Variants in UBAP2 observed in about 807,000 individuals in gnomAD.
The protein encoded by UBAP2 is ubiquitin associated protein 2.
UBAP2 carries 75 observed loss-of-function variants against 139.6 expected under a neutral mutation model. The observed-to-expected ratio is 0.54, with a 90% CI of 0.45 to 0.65. The LOEUF is 0.65. Ranked by LOEUF, UBAP2 falls within the 30% of genes least tolerant of loss-of-function variation. The probability of loss-of-function intolerance (pLI) is 0.00; values close to 1 mark genes in which losing one functional copy is unlikely to be tolerated. For missense variants in UBAP2, 1,368 were observed against 1,369.6 expected, an observed-to-expected ratio of 1.00 and a Z score of 0.02; for synonymous variants, 526 against 526.2, an observed-to-expected ratio of 1.00 and a Z score of 0.01.
intron 11 of UBAP2, among the ~76,000 whole-genome samples, chr9:33,955,206 A>G (rs1826447983): frequency 6.6e-6 from 1 of 151,896 alleles, no homozygotes; most frequent in African/African-American, 2.4e-5. Context: ...ACAGGTCTAC[A>G]AAAGTGAAAA....
intron 8 of UBAP2, among the ~76,000 whole-genome samples, chr9:33,969,818 A>G (rs2131046944): frequency 6.6e-6 from 1 of 150,518 alleles, no homozygotes; most frequent in African/African-American, 2.4e-5. Flanking sequence ...GTGAGCCAAG[A>G]TCGTGCCATT....
At chr9:33,981,851 G>GGGAGGGAA (rs1169586229) in intron 6 of UBAP2, among the ~76,000 whole-genome samples, 2 of 143,016 alleles carry the variant, frequency 1.4e-5, no homozygotes, top group African/African-American at 5.4e-5. Context: ...GGGAAAGGGA[G>GGGAGGGAA]GGAGGGAAGG....
intron 6 of UBAP2, among the ~76,000 whole-genome samples, chr9:33,985,984 G>A (rs1207354805): frequency 6.6e-6 from 1 of 151,958 alleles, no homozygotes; most frequent in Non-Finnish European, 1.5e-5. Context: ...TGATGCCACT[G>A]CACTCCAGCC....
intron 1 of UBAP2, among the ~76,000 whole-genome samples, chr9:34,020,225 A>G (rs1387463987): frequency 6.6e-6 from 1 of 151,854 alleles, no homozygotes; most frequent in Non-Finnish European, 1.5e-5. Flanking sequence ...AGGATCATCA[A>G]TACTACCGTC....
At chr9:33,963,218 A>T (rs1024706432) in intron 9 of UBAP2, among the ~76,000 whole-genome samples, 8 of 152,192 alleles carry the variant, frequency 5.3e-5, no homozygotes, top group African/African-American at 1.7e-4. Flanking sequence ...ATTACAGGGG[A>T]AACTCCCATG....
intron 4 of UBAP2, among the ~76,000 whole-genome samples, chr9:33,991,585 T>C (rs571534587): frequency 6.6e-6 from 1 of 152,322 alleles, no homozygotes; most frequent in East Asian, 1.9e-4. Flanking sequence ...GGAAGAGGTA[T>C]AAGTCATTAT....
chr9:34,019,276 A>G lies in UBAP2; in HGVS notation c.-41-2087T>C, dbSNP rs567264021. Among the ~76,000 whole-genome samples, 40 of 152,042 alleles carry G rather than the reference A, an allele frequency of 2.6e-4. 2 individuals carry two copies. The East Asian group carries it at 7.6e-3, about 29-fold the overall frequency. ...AAATTAGCCAGGCATGGTGGCACAC[A>G]CCTGTAATCCCAGCAACTCAGGAAG... On this transcript the variant is annotated intron_variant, in intron 1 of 28. Transcript: ENST00000379238.
At chr9:33,932,930 CCATT>C (rs774993785) in intron 18 of UBAP2, among the ~76,000 whole-genome samples, 5 of 152,172 alleles carry the variant, frequency 3.3e-5, no homozygotes, top group Non-Finnish European at 7.3e-5. Flanking sequence ...CTTGACAATC[CCATT>C]CAATCTGTGA....
chr9:34,020,388 G>A (rs989501581), intron 1 of UBAP2, among the ~76,000 whole-genome samples: 2 of 151,030 alleles, frequency 1.3e-5, no homozygotes, highest in African/African-American at 2.4e-5. Context: ...CGAATAGTGC[G>A]ATCTCGGCTC....
intron 12 of UBAP2, 104 bp from the exon 13 acceptor site, chr9:33,948,691 C>T: frequency 1.1e-6 from 1 of 911,362 alleles, no homozygotes; most frequent in South Asian, 1.9e-5. Flanking sequence ...AACCTATAAT[C>T]TAAAACATAT....
At chr9:34,044,031 C>T (rs1021614887) in intron 1 of UBAP2, among the ~76,000 whole-genome samples, 1 of 142,536 alleles carries the variant, frequency 7.0e-6, no homozygotes, top group Non-Finnish European at 1.5e-5. Context: ...GCGGAGATTG[C>T]AGTGAACAGA....
chr9:33,927,141 G>A, intron 20 of UBAP2, 61 bp from the exon 21 acceptor site: 4 of 1,335,788 alleles, frequency 3.0e-6, no homozygotes, highest in Admixed American at 2.1e-5. Flanking sequence ...AGAGTCCTCA[G>A]CTGCTTCAGG....
intron 16 of UBAP2, among the ~76,000 whole-genome samples, chr9:33,936,954 A>T (rs1197607207): frequency 8.1e-6 from 1 of 123,810 alleles, no homozygotes; most frequent in Admixed American, 8.2e-5. Flanking sequence ...AAAAAAAAAC[A>T]GTCTGAATAG....
At chr9:34,000,883 T>G (rs895307694) in intron 2 of UBAP2, among the ~76,000 whole-genome samples, 4 of 152,242 alleles carry the variant, frequency 2.6e-5, no homozygotes, top group African/African-American at 9.6e-5. Context: ...ACTGCTGCAA[T>G]ACTGCTACAT....
chr9:33,948,626 C>A, intron 12 of UBAP2, 39 bp from the exon 13 acceptor site: 1 of 1,574,412 alleles, frequency 6.4e-7, no homozygotes, highest in Non-Finnish European at 8.7e-7. Context: ...CTCAACAATA[C>A]AGAATTTCTG....
chr9:34,037,412 GGA>G (rs1347163259), intron 1 of UBAP2, among the ~76,000 whole-genome samples: 2 of 152,212 alleles, frequency 1.3e-5, no homozygotes, highest in South Asian at 2.1e-4. Flanking sequence ...TGGGATTACA[GGA>G]GAGAGCCACT....
intron 15 of UBAP2, among the ~76,000 whole-genome samples, chr9:33,942,548 C>T (rs538783028): frequency 2.0e-5 from 3 of 151,754 alleles, no homozygotes; most frequent in Admixed American, 6.6e-5. Flanking sequence ...GGCAACATGA[C>T]GAAACCCTGT....
rs1465754839 is a variant in UBAP2 at position 33,989,005 on chromosome 9, C to T, written c.410G>A (p.Arg137Gln). 28 of 1,613,434 alleles carry T rather than the reference C, an allele frequency of 1.7e-5. No homozygotes were observed. Among genetic ancestry groups the T allele is most frequent in the East Asian group, 2.2e-5 (1 of 44,866 alleles). The change falls in exon 5 of 29, where the codon CGG becomes CAG. Residue 137 changes from arginine to glutamine, a missense_variant. Transcript: ENST00000379238. ...GCCACGATTGCCGCCTCTTCCTTTC[C>T]GGTTGTTGTTTCCACGTCCACGACT... is the stretch of plus-strand genomic sequence containing the variant. ...ESSRGRGNNN[R>Q]KGRGGNRGRE...
intron 1 of UBAP2, among the ~76,000 whole-genome samples, chr9:34,031,604 G>A (rs1825894088): frequency 6.6e-6 from 1 of 151,870 alleles, no homozygotes; most frequent in Non-Finnish European, 1.5e-5. Flanking sequence ...ACCACGCCCG[G>A]CCTTAACTTG....
Sources: gnomAD v4.1 joint callset for allele counts (sites outside exome capture counted in the v4.1 genomes callset) on GRCh38, gnomAD v4.1.1 for gene constraint, MANE v1.5 for transcripts, NCBI Gene and HGNC (gene_info 2026-07-23, HGNC 2026-07-21) for gene names.